Variants in DHRSX observed in about 807,000 individuals in gnomAD.
DHRSX encodes dehydrogenase/reductase X-linked.
In DHRSX, 31 loss-of-function variants were observed where a neutral mutation model predicts 34.0. The observed-to-expected ratio is 0.91, with a 90% CI of 0.69 to 1.23. The LOEUF is 1.23. Ranked by LOEUF, DHRSX falls within the 50% of genes most tolerant of loss-of-function variation. The pLI is 0.00. For synonymous variants in DHRSX, 201 were observed against 183.8 expected (o/e 1.09, Z -0.76); for missense variants, 414 against 428.1 (o/e 0.97, Z 0.29).
intron 3 of DHRSX, among the ~76,000 whole-genome samples, chrX:2,358,409 T>C (rs1282324949): frequency 1.3e-5 from 2 of 152,126 alleles, no homozygotes; most frequent in African/African-American, 4.8e-5. Flanking sequence ...AAGATACACA[T>C]GCAGCTGGCC....
In DHRSX at chrX:2,294,071, A is replaced by AG. The variant is rs34589307; in HGVS notation, c.287-2469_287-2468insC. On this transcript the variant is annotated intron_variant, in intron 3 of 6. Transcript: ENST00000334651. ...GAAAGATAGAAGCAGAGAGAGAGAGAAAGAGAGAAAGAAAGAAAGGCTAAG... is the reference window on the plus strand; with the variant it reads ...GAAAGATAGAAGCAGAGAGAGAGAGAGAAGAGAGAAAGAAAGAAAGGCTAAG... Among the ~76,000 whole-genome samples the AG allele has an allele frequency of 2.4e-4, 37 of 151,466 alleles. 1 individual carries two copies. Among genetic ancestry groups the AG allele is most frequent in the African/African-American group, 7.8e-4 (32 of 41,242 alleles).
intron 1 of DHRSX, among the ~76,000 whole-genome samples, chrX:2,497,695 A>T (rs957198463): frequency 2.6e-5 from 4 of 152,216 alleles, no homozygotes; most frequent in African/African-American, 9.6e-5. Flanking sequence ...CTGTGGCAGT[A>T]TTGGAACTGG....
At chrX:2,438,078 G>A (rs774401033) in intron 1 of DHRSX, among the ~76,000 whole-genome samples, 34 of 148,868 alleles carry the variant, frequency 2.3e-4, no homozygotes, top group Non-Finnish European at 3.6e-4. Flanking sequence ...TTGGGAGGCC[G>A]AGGCAGGAGA....
intron 1 of DHRSX, among the ~76,000 whole-genome samples, chrX:2,499,549 T>C (rs991387311): frequency 2.6e-5 from 4 of 152,088 alleles, no homozygotes; most frequent in Non-Finnish European, 4.4e-5. Context: ...GACTGGAGGA[T>C]TGCTGCAGGC....
chrX:2,420,468 G>A (rs2043765072), intron 2 of DHRSX, among the ~76,000 whole-genome samples: 1 of 151,210 alleles, frequency 6.6e-6, no homozygotes, highest in African/African-American at 2.4e-5. Context: ...AATGGGGCCG[G>A]GCACAGTGGC....
intron 3 of DHRSX, among the ~76,000 whole-genome samples, chrX:2,318,377 C>G (rs1310251825): frequency 6.6e-6 from 1 of 151,672 alleles, no homozygotes; most frequent in Non-Finnish European, 1.5e-5. Context: ...ACCCTTCCAG[C>G]CAGATGAATG....
At chrX:2,318,715 G>T (rs1023200056) in intron 3 of DHRSX, among the ~76,000 whole-genome samples, 3 of 151,516 alleles carry the variant, frequency 2.0e-5, no homozygotes, top group African/African-American at 7.3e-5. Flanking sequence ...TCTTTCCCTT[G>T]TTTCGCACAG....
At chrX:2,443,624 C>T (rs1164314308) in intron 1 of DHRSX, among the ~76,000 whole-genome samples, 4 of 152,002 alleles carry the variant, frequency 2.6e-5, no homozygotes, top group Non-Finnish European at 4.4e-5. Flanking sequence ...TGCTGGGCAC[C>T]GTTACACTCA....
chrX:2,246,748 G>GAAAGAAA (rs776138629), intron 5 of DHRSX, among the ~76,000 whole-genome samples: 2 of 103,778 alleles, frequency 1.9e-5, no homozygotes, highest in African/African-American at 6.2e-5. Flanking sequence ...AAGAAAGAAA[G>GAAAGAAA]AAAAAGAAAG....
chrX:2,322,955 G>A (rs73187635), intron 3 of DHRSX, among the ~76,000 whole-genome samples: 21,857 of 151,734 alleles, frequency 0.14, 2,087 homozygotes, highest in Admixed American at 0.22. Context: ...ATGGAATCTT[G>A]CTCTGTCGCC....
At chrX:2,319,252 C>T (rs927668567) in intron 3 of DHRSX, among the ~76,000 whole-genome samples, 1 of 143,548 alleles carries the variant, frequency 7.0e-6, no homozygotes, top group African/African-American at 2.6e-5. Flanking sequence ...TCCCCCTCCT[C>T]TCCCTACTCC....
At chrX:2,403,666 C>G (rs1224670208) in intron 3 of DHRSX, among the ~76,000 whole-genome samples, 1 of 151,972 alleles carries the variant, frequency 6.6e-6, no homozygotes, top group Non-Finnish European at 1.5e-5. Context: ...ACAAGCCTGG[C>G]TAACACGGTG....
At position 2,465,793 on chromosome X, in the gene DHRSX, G is replaced by A. The variant is rs988437456; in HGVS notation, c.109+35024C>T. 4.5e-3 allele frequency among the ~76,000 whole-genome samples: 559 copies of A among 124,200 alleles called. 5 individuals are homozygous for A. The highest frequency in any genetic ancestry group is 0.018 in the African/African-American group (523 of 29,756). The allele number at this position is 124,200 out of a possible 152,430, so 81.5% of individuals were successfully genotyped here. A position where few individuals can be genotyped will look rare whatever the true frequency, so the allele number is the denominator to read the frequency against. On this transcript the variant is annotated intron_variant, in intron 1 of 6. Coordinates refer to ENST00000334651, the MANE Select transcript of DHRSX (RefSeq NM_145177.3). ...CATTGCACTCTAGCCTGGGCAACAA[G>A]AGCAAAACTCCATCGCAAAAAAAAA...
intron 3 of DHRSX, among the ~76,000 whole-genome samples, chrX:2,398,081 G>A (rs2043437122): frequency 1.3e-5 from 2 of 152,056 alleles, no homozygotes; most frequent in African/African-American, 4.8e-5. Flanking sequence ...ATTACACAAA[G>A]AGATGAGTTG....
intron 1 of DHRSX, among the ~76,000 whole-genome samples, chrX:2,478,700 G>C (rs2044720502): frequency 6.6e-6 from 1 of 151,748 alleles, no homozygotes; most frequent in Non-Finnish European, 1.5e-5. Flanking sequence ...CCCTAAGAAT[G>C]TGGCCAAGGG....
chrX:2,240,839 A>G (rs1471134457), intron 6 of DHRSX, among the ~76,000 whole-genome samples: 1 of 152,126 alleles, frequency 6.6e-6, no homozygotes, highest in Non-Finnish European at 1.5e-5. Context: ...CTTGAGATAG[A>G]TAGGAAAGAA....
intron 5 of DHRSX, among the ~76,000 whole-genome samples, chrX:2,246,400 G>C (rs1243435988): frequency 6.6e-6 from 1 of 152,052 alleles, no homozygotes; most frequent in East Asian, 1.9e-4. Flanking sequence ...GAGGTGGGCA[G>C]ATCACCAGGT....
At chrX:2,313,283 C>T (rs954775946) in intron 3 of DHRSX, among the ~76,000 whole-genome samples, 1 of 152,018 alleles carries the variant, frequency 6.6e-6, no homozygotes, top group African/African-American at 2.4e-5. Flanking sequence ...GCTGGGATTA[C>T]AGGCATGAGC....
At chrX:2,489,466 G>A (rs990169470) in intron 1 of DHRSX, 14 of 1,613,844 alleles carry the variant, frequency 8.7e-6, no homozygotes, top group South Asian at 5.5e-5. Flanking sequence ...CCATGCTGAT[G>A]GTGGGGTACC....
Sources: gnomAD v4.1 joint callset for allele counts (sites outside exome capture counted in the v4.1 genomes callset) on GRCh38, gnomAD v4.1.1 for gene constraint, MANE v1.5 for transcripts, NCBI Gene and HGNC (gene_info 2026-07-23, HGNC 2026-07-21) for gene names.